The following TENM3 variants were observed in gnomAD, a reference collection of about 807,000 sequenced individuals.
The protein encoded by TENM3 is teneurin-3.
TENM3 carries 63 observed loss-of-function variants against 255.1 expected under a neutral mutation model. That is an observed-to-expected ratio of 0.25 (90% CI 0.20 to 0.30). The LOEUF (loss-of-function observed/expected upper bound fraction) is 0.30, where lower values mean the gene tolerates loss of function less well. Among genes scored for constraint, TENM3 ranks in the 10% least tolerant of loss-of-function variants. The pLI, the probability that TENM3 is intolerant of heterozygous loss-of-function variation, is 1.00. For synonymous variants in TENM3, 1,306 were observed against 1,322.3 expected, an observed-to-expected ratio of 0.99 and a Z score of 0.27; for missense variants, 2,929 against 3,461.1, an observed-to-expected ratio of 0.85 and a Z score of 3.86.
At chr4:181,722,576 T>C in the TENM3 span, among the ~76,000 whole-genome samples, 2 of 152,192 alleles carry the variant, frequency 1.3e-5, no homozygotes, top group Non-Finnish European at 2.9e-5. Context: ...GTCTAATATG[T>C]TTTTCTAATT....
At position 182,673,219 on chromosome 4, in the gene TENM3, G is replaced by A; in HGVS notation, c.1326G>A (p.Gln442=). ...AAGGCTTACCGCCTTCCCATACTCAGGTAAGACTAGGCTTTCTTATCAATA... is the reference window on the plus strand; with the variant it reads ...AAGGCTTACCGCCTTCCCATACTCAAGTAAGACTAGGCTTTCTTATCAATA... ...GRKGLPPSHT[Q]YDFVELLDGS... Residue 442 remains glutamine, a splice_region_variant and synonymous_variant, in exon 7 of 28, where the codon CAG becomes CAA. Transcript: ENST00000511685. 3 of 1,595,806 alleles carry A rather than the reference G, an allele frequency of 1.9e-6. No individual in the cohort carries two copies. Among genetic ancestry groups the A allele is most frequent in the Non-Finnish European group, 2.6e-6 (3 of 1,165,616 alleles).
rs76435577 is a variant in TENM3, at chr4:182,386,130, T to C, written c.511+39201T>C. 3.5e-3 allele frequency among the ~76,000 whole-genome samples: 529 copies of C among 152,342 alleles called. 2 individuals carry two copies. The highest frequency in any genetic ancestry group is 0.012 in the African/African-American group (513 of 41,590). ...GTTTCTATTTGGAGAAAATCAATCA[T>C]GCACTCAATTAGAATTCGCAAAAGT... On this transcript the variant is annotated intron_variant, in intron 3 of 27. Coordinates refer to ENST00000511685, the MANE Select transcript of TENM3 (RefSeq NM_001080477.4).
the TENM3 span, among the ~76,000 whole-genome samples, chr4:181,546,941 C>T: frequency 6.6e-6 from 1 of 152,066 alleles, no homozygotes; most frequent in African/African-American, 2.4e-5. Flanking sequence ...CTTGCTACTT[C>T]ACATTTCATT....
the TENM3 span, among the ~76,000 whole-genome samples, chr4:182,096,569 C>T: frequency 1.3e-5 from 2 of 152,086 alleles, no homozygotes; most frequent in African/African-American, 2.4e-5. Context: ...GCAATGGATG[C>T]GAAAACCACA....
At chr4:181,449,015 T>A in the TENM3 span, among the ~76,000 whole-genome samples, 1 of 152,178 alleles carries the variant, frequency 6.6e-6, no homozygotes, top group Admixed American at 6.5e-5. Context: ...CTGGCAGAGA[T>A]TGAAAGCAGA....
At chr4:182,171,735 T>C (rs1478042400) in intron 1 of TENM3, among the ~76,000 whole-genome samples, 2 of 152,154 alleles carry the variant, frequency 1.3e-5, no homozygotes, top group Non-Finnish European at 2.9e-5. Flanking sequence ...AACATTCAGA[T>C]AAAAAACAAA....
chr4:181,858,298 A>G, the TENM3 span, among the ~76,000 whole-genome samples: 2 of 152,092 alleles, frequency 1.3e-5, no homozygotes, highest in Admixed American at 6.5e-5. Context: ...TGCAAGATTT[A>G]TTTGCTTCAT....
chr4:181,990,501 C>A, the TENM3 span, among the ~76,000 whole-genome samples: 3 of 152,120 alleles, frequency 2.0e-5, no homozygotes, highest in Non-Finnish European at 4.4e-5. Context: ...GAAACCAGAA[C>A]CCTGTGACTT....
the TENM3 span, among the ~76,000 whole-genome samples, chr4:182,005,411 CT>C: frequency 6.6e-6 from 1 of 152,126 alleles, no homozygotes; most frequent in African/African-American, 2.4e-5. Flanking sequence ...GGTCTCTGTT[CT>C]GCTCCTTTCA....
chr4:181,469,542 C>G, the TENM3 span, among the ~76,000 whole-genome samples: 2 of 152,094 alleles, frequency 1.3e-5, no homozygotes, highest in Admixed American at 6.5e-5. Flanking sequence ...GGCCCAGGAA[C>G]AGTTTTGAAT....
At chr4:181,910,630 A>G in the TENM3 span, among the ~76,000 whole-genome samples, 3,449 of 93,746 alleles carry the variant, frequency 0.037, 60 homozygotes, top group African/African-American at 0.061. Context: ...GTGTGTGTGT[A>G]TGTGTGTGTG....
At chr4:182,265,367 C>T (rs542494171) in intron 1 of TENM3, among the ~76,000 whole-genome samples, 4 of 152,252 alleles carry the variant, frequency 2.6e-5, no homozygotes, top group South Asian at 4.1e-4. Flanking sequence ...CTCCACCCCA[C>T]GCTGGAGATG....
the TENM3 span, among the ~76,000 whole-genome samples, chr4:181,551,846 G>A: frequency 0.031 from 275 of 8,994 alleles, 1 homozygote; most frequent in African/African-American, 0.062. Context: ...ATATGTGTGT[G>A]TGTGTGTGTG....
At position 182,792,397 on chromosome 4, in the gene TENM3, G is replaced by A. The variant is rs760296634; in HGVS notation, c.5725G>A (p.Gly1909Ser). The A allele has an allele frequency of 1.2e-6, 2 of 1,613,984 alleles. No individual in the cohort carries two copies. Among genetic ancestry groups the A allele is most frequent in the South Asian group, 1.1e-5 (1 of 91,082 alleles). Residue 1909 changes from glycine to serine, a missense_variant, in exon 26 of 28, where the codon GGC (glycine) becomes AGC (serine). By Grantham distance (56) the Gly-to-Ser change is moderately conservative. Coordinates refer to ENST00000511685, the MANE Select transcript of TENM3 (RefSeq NM_001080477.4). The surrounding 1 kb of genome is among the most constrained non-coding windows in gnomAD (Gnocchi z 6.3). The part of the protein sequence containing the change: ...RHTMQTIRSI[G>S]YYRNIYNPPE... ...CACCATGCAGACCATCCGATCCATT[G>A]GCTACTACCGCAACATATACAACCC...
the TENM3 span, among the ~76,000 whole-genome samples, chr4:181,998,301 A>G: frequency 1.1e-4 from 17 of 152,318 alleles, 1 homozygote; most frequent in African/African-American, 4.1e-4. Context: ...GACCATGCCC[A>G]CAAGGAGTAT....
At chr4:181,987,893 A>G in the TENM3 span, among the ~76,000 whole-genome samples, 1 of 152,212 alleles carries the variant, frequency 6.6e-6, no homozygotes, top group South Asian at 2.1e-4. Flanking sequence ...CAAACGTGGA[A>G]GGGACAGAGA....
chr4:182,087,823 T>A, the TENM3 span, among the ~76,000 whole-genome samples: 1 of 152,314 alleles, frequency 6.6e-6, no homozygotes, highest in East Asian at 1.9e-4. Context: ...TCTCCCTAGG[T>A]ACGTTACACT....
At chr4:182,169,091 A>G (rs2149684513) in intron 1 of TENM3, among the ~76,000 whole-genome samples, 1 of 152,076 alleles carries the variant, frequency 6.6e-6, no homozygotes, top group East Asian at 1.9e-4. Flanking sequence ...ACACACACAC[A>G]CACACACACA....
At chr4:181,905,925 T>C in the TENM3 span, 24 of 572,790 alleles carry the variant, frequency 4.2e-5, 2 homozygotes, top group Non-Finnish European at 7.6e-5. Context: ...AGAATGACAT[T>C]GCTCCAACTT....
Sources: allele counts gnomAD v4.1 joint callset (sites outside exome capture counted in the v4.1 genomes callset), GRCh38; gene constraint gnomAD v4.1.1; non-coding constraint Gnocchi (gnomAD v3.1); transcripts MANE v1.5; gene names NCBI Gene and HGNC (gene_info 2026-07-23, HGNC 2026-07-21).